SSBP3: variants seen among roughly 807,000 people sequenced by gnomAD.
The protein encoded by SSBP3 is single stranded DNA binding protein 3.
A neutral mutation model predicts 69.6 loss-of-function variants in SSBP3; 5 were observed. The ratio of observed to expected loss-of-function variants is 0.07; its 90% CI spans 0.04 to 0.15. The LOEUF is 0.15. Ranked by LOEUF, SSBP3 falls within the 10% of genes least tolerant of loss-of-function variation. SSBP3 has a pLI of 1.00. For synonymous variants in SSBP3, 196 were observed against 193.4 expected (o/e 1.01, Z -0.11); for missense variants, 312 against 534.0 (o/e 0.58, Z 4.10).
intron 9 of SSBP3, 67 bp from the exon 10 acceptor site, chr1:54,243,366 A>T (rs1358805329): frequency 1.9e-6 from 3 of 1,554,070 alleles, no homozygotes; most frequent in East Asian, 2.2e-5. Context: ...GGGAGGAGAA[A>T]CAAACAGACA....
intron 4 of SSBP3, among the ~76,000 whole-genome samples, chr1:54,295,106 C>A (rs1645682375): frequency 6.6e-6 from 1 of 152,142 alleles, no homozygotes; most frequent in Non-Finnish European, 1.5e-5. Context: ...CCCTCCCCGT[C>A]CCTTCCTCAG....
chr1:54,283,898 A>G (rs751812972), intron 4 of SSBP3, among the ~76,000 whole-genome samples: 5 of 152,114 alleles, frequency 3.3e-5, no homozygotes, highest in Non-Finnish European at 5.9e-5. Flanking sequence ...TGCTGGCTGC[A>G]TTACTGTTTT....
At chr1:54,318,317 A>G (rs1441705682) in intron 4 of SSBP3, among the ~76,000 whole-genome samples, 1 of 152,232 alleles carries the variant, frequency 6.6e-6, no homozygotes, top group African/African-American at 2.4e-5. Flanking sequence ...ATAATTTTCA[A>G]TATAGAGATA....
chr1:54,348,247 C>CGGGGGGGGGGGGGGG (rs34214298), intron 4 of SSBP3, among the ~76,000 whole-genome samples: 5 of 39,332 alleles, frequency 1.3e-4, no homozygotes, highest in Admixed American at 3.0e-4. Flanking sequence ...GCATGGGGGG[C>CGGGGGGGGGGGGGGG]GGGGGGGGGG....
intron 4 of SSBP3, among the ~76,000 whole-genome samples, chr1:54,340,141 G>A (rs1044530641): frequency 4.6e-5 from 7 of 151,990 alleles, no homozygotes; most frequent in Non-Finnish European, 8.8e-5. Flanking sequence ...ATGTGACTTG[G>A]CATAAAACTT....
chr1:54,386,429 G>A (rs1648082765), intron 4 of SSBP3, among the ~76,000 whole-genome samples: 1 of 152,190 alleles, frequency 6.6e-6, no homozygotes, highest in Middle Eastern at 3.4e-3. Flanking sequence ...ATGGGGAGAT[G>A]GGATGGTCCC....
chr1:54,282,361 C>T (rs1454524379), intron 4 of SSBP3, among the ~76,000 whole-genome samples: 1 of 152,234 alleles, frequency 6.6e-6, no homozygotes, highest in Non-Finnish European at 1.5e-5. Context: ...CTGGGAAACA[C>T]TGCTGGAGAG....
chr1:54,406,044 G>A, exon 1 of SSBP3: 3 of 1,404,704 alleles, frequency 2.1e-6, no homozygotes, highest in Admixed American at 2.7e-5. Flanking sequence ...CCTCGCCGCC[G>A]CCGCCGCCGC....
At chr1:54,324,127 T>C (rs1646260533) in intron 4 of SSBP3, among the ~76,000 whole-genome samples, 1 of 152,206 alleles carries the variant, frequency 6.6e-6, no homozygotes, top group Non-Finnish European at 1.5e-5. Context: ...CAAGGAATGC[T>C]GGCATTTCAA....
chr1:54,383,574 T>C (rs951930866), intron 4 of SSBP3, among the ~76,000 whole-genome samples: 8 of 152,132 alleles, frequency 5.3e-5, no homozygotes, highest in African/African-American at 1.9e-4. Context: ...CAAGTCTTCT[T>C]AGATAATGCA....
Position 54,335,180 on chromosome 1 carries a change from A to T in SSBP3, c.277-53653T>A, listed in dbSNP as rs184398601. On this transcript the variant is annotated intron_variant, in intron 4 of 17. Coordinates refer to ENST00000610401, the Ensembl canonical transcript of SSBP3. ...TCTTGTTACCAGAATCCCATCAAGAAGGGCAAAGCACTACGCTTTCAAAAA... is the reference window on the plus strand; with the variant it reads ...TCTTGTTACCAGAATCCCATCAAGATGGGCAAAGCACTACGCTTTCAAAAA... Among the ~76,000 whole-genome samples, 56 of 152,330 alleles carry T rather than the reference A, an allele frequency of 3.7e-4. 1 individual carries two copies. The highest frequency in any genetic ancestry group is 1.9e-3 in the South Asian group (9 of 4,830).
chr1:54,288,872 C>T (rs1645542218), intron 4 of SSBP3, among the ~76,000 whole-genome samples: 2 of 151,818 alleles, frequency 1.3e-5, no homozygotes, highest in East Asian at 3.9e-4. Context: ...CAAAAAAAAT[C>T]AGCTGGGTGT....
At chr1:54,368,724 T>TAG (rs1228697559) in intron 4 of SSBP3, among the ~76,000 whole-genome samples, 1 of 152,228 alleles carries the variant, frequency 6.6e-6, no homozygotes, top group African/African-American at 2.4e-5. Context: ...GAGCTGGCTA[T>TAG]AGACCCTTTA....
intron 4 of SSBP3, among the ~76,000 whole-genome samples, chr1:54,397,514 G>A (rs551758205): frequency 3.9e-5 from 6 of 152,278 alleles, no homozygotes; most frequent in African/African-American, 1.4e-4. Flanking sequence ...GCTGAGGGAG[G>A]AGTCAGCAGT....
chr1:54,271,821 A>T lies in SSBP3; in HGVS notation c.366+9617T>A, dbSNP rs486703. Among the ~76,000 whole-genome samples, 4 of 151,974 alleles carry T rather than the reference A, an allele frequency of 2.6e-5. No homozygotes were observed. In the South Asian group the frequency reaches 8.3e-4, roughly 32 times the overall value. On this transcript the variant is annotated intron_variant, in intron 5 of 17. Transcript: ENST00000610401. Reference sequence around the variant, plus strand: ...GTCTTGCTTTGTCCTCTAGGCTGGCATGCAATGGTGTGATTTCAGCTCACT... The same window carrying T: ...GTCTTGCTTTGTCCTCTAGGCTGGCTTGCAATGGTGTGATTTCAGCTCACT...
At position 54,259,583 on chromosome 1, in the gene SSBP3, G is replaced by T. The variant is rs1007334905; in HGVS notation, c.367-1434C>A. 5.3e-5 allele frequency among the ~76,000 whole-genome samples: 8 copies of T among 152,244 alleles called. No individual in the cohort carries two copies. In the East Asian group the frequency reaches 7.7e-4, roughly 15 times the overall value. ...TTAGAAAAATTCAAAATGTGCACAG[G>T]GGGTGAGTGTGGCTAAATTAAAAAG... On this transcript the variant is annotated intron_variant, in intron 5 of 17. Transcript: ENST00000610401.
intron 14 of SSBP3, chr1:54,236,877 C>G (rs1343680475): frequency 2.0e-5 from 3 of 152,196 alleles, no homozygotes; most frequent in Non-Finnish European, 4.4e-5. Flanking sequence ...CCCTTTGTGA[C>G]AGTGTCGGGT....
intron 4 of SSBP3, among the ~76,000 whole-genome samples, chr1:54,376,922 T>A (rs1414573598): frequency 6.6e-6 from 1 of 152,092 alleles, no homozygotes; most frequent in African/African-American, 2.4e-5. Flanking sequence ...CAATGATGAC[T>A]CACACACAAA....
chr1:54,240,081 TGTGTGTGCGCGCGCGCGCGTGTGCGTGC>T (rs1236910944), intron 13 of SSBP3, among the ~76,000 whole-genome samples: 7 of 29,428 alleles, frequency 2.4e-4, no homozygotes, highest in South Asian at 1.1e-3. Context: ...TGTGTGTGTG[TGTGTGTGCGCGCGCGCGCGTGTGCGTGC>T]GCGCGCGCGC....
Sources: allele counts gnomAD v4.1 joint callset (sites outside exome capture counted in the v4.1 genomes callset), GRCh38; gene constraint gnomAD v4.1.1; transcripts MANE v1.5; gene names NCBI Gene and HGNC (gene_info 2026-07-23, HGNC 2026-07-21).